Variants in NEO1 observed in about 807,000 individuals in gnomAD.
NEO1 encodes neogenin.
NEO1 carries 63 observed loss-of-function variants against 159.7 expected under a neutral mutation model. The ratio of observed to expected loss-of-function variants is 0.39; its 90% CI spans 0.32 to 0.49. NEO1 has a LOEUF of 0.49. Ranked by LOEUF, NEO1 falls within the 20% of genes least tolerant of loss-of-function variation. The probability of loss-of-function intolerance (pLI) is 0.85; values close to 1 mark genes in which losing one functional copy is unlikely to be tolerated. For synonymous variants in NEO1, 633 were observed against 662.0 expected (o/e 0.96, Z 0.67); for missense variants, 1,615 against 1,831.0 (o/e 0.88, Z 2.15).
At position 73,101,789 on chromosome 15, in the gene NEO1, G is replaced by A. The variant is rs545896258; in HGVS notation, c.131-14751G>A. The stretch of plus-strand genomic sequence containing the variant: ...GGCCAGAAGCCTGCATCATCTTACC[G>A]TGTAATTGCCTGTATCTATTTCAGT... On this transcript the variant is annotated intron_variant, in intron 1 of 28. Coordinates refer to ENST00000261908, the MANE Select transcript of NEO1 (RefSeq NM_002499.4). Among the ~76,000 whole-genome samples the A allele has an allele frequency of 1.1e-4, 17 of 152,118 alleles. No homozygotes were observed. In the South Asian group the frequency reaches 3.3e-3, roughly 30 times the overall value.
chr15:73,193,025 A>G (rs529784441), intron 7 of NEO1, among the ~76,000 whole-genome samples: 1 of 152,200 alleles, frequency 6.6e-6, no homozygotes, highest in South Asian at 2.1e-4. Flanking sequence ...TTCTTGAAAC[A>G]AAATGCTATA....
intron 26 of NEO1, among the ~76,000 whole-genome samples, chr15:73,297,534 T>C (rs764845647): frequency 5.9e-5 from 9 of 152,234 alleles, no homozygotes; most frequent in East Asian, 1.9e-4. Flanking sequence ...CTCAGAGATA[T>C]TCAGTGACTT....
chr15:73,135,341 A>C (rs1470530503), intron 4 of NEO1, among the ~76,000 whole-genome samples: 6 of 152,190 alleles, frequency 3.9e-5, no homozygotes, highest in Admixed American at 3.9e-4. Flanking sequence ...CTCTCTGGCA[A>C]CCATTCTCTC....
intron 7 of NEO1, among the ~76,000 whole-genome samples, chr15:73,216,691 G>A (rs549152799): frequency 6.6e-6 from 1 of 152,254 alleles, no homozygotes; most frequent in Admixed American, 6.5e-5. Context: ...CAGTGATGGT[G>A]AGCATTTTTT....
At chr15:73,269,958 T>C (rs2041097400) in intron 16 of NEO1, 52 bp from the exon 17 acceptor site, 2 of 1,410,178 alleles carry the variant, frequency 1.4e-6, no homozygotes, top group Non-Finnish European at 2.0e-6. Flanking sequence ...TTTTATTTTA[T>C]TTTTGTTTAC....
At chr15:73,101,934 C>T (rs563909583) in intron 1 of NEO1, among the ~76,000 whole-genome samples, 2 of 152,286 alleles carry the variant, frequency 1.3e-5, no homozygotes, top group South Asian at 4.1e-4. Flanking sequence ...TCTCCTCTAC[C>T]TTTTACAGCC....
chr15:73,189,532 T>C (rs1421290396), intron 7 of NEO1, among the ~76,000 whole-genome samples: 1 of 133,768 alleles, frequency 7.5e-6, no homozygotes, highest in Admixed American at 8.3e-5. Context: ...GTGCTTATCT[T>C]CAAAACCTTC....
At chr15:73,077,709 A>AC (rs925037111) in intron 1 of NEO1, among the ~76,000 whole-genome samples, 3 of 152,246 alleles carry the variant, frequency 2.0e-5, no homozygotes, top group African/African-American at 7.2e-5. Flanking sequence ...GTGCTAGGTA[A>AC]CGGGAGAAAT....
intron 5 of NEO1, among the ~76,000 whole-genome samples, chr15:73,146,205 G>C (rs983330271): frequency 9.2e-5 from 14 of 152,054 alleles, no homozygotes; most frequent in Admixed American, 3.3e-4. Context: ...TTTGTATCCA[G>C]TTTCTACCCT....
intron 7 of NEO1, among the ~76,000 whole-genome samples, chr15:73,219,319 T>C: frequency 6.7e-6 from 1 of 148,236 alleles, no homozygotes; most frequent in Non-Finnish European, 1.5e-5. Context: ...CTTTTACATT[T>C]GCTGAGGAGA....
intron 13 of NEO1, among the ~76,000 whole-genome samples, chr15:73,257,958 GT>G (rs970746588): frequency 2.8e-4 from 43 of 152,262 alleles, no homozygotes; most frequent in African/African-American, 1.0e-3. Context: ...TCCTTGCTTT[GT>G]GGGGCACACA....
rs566594701 is a variant in NEO1 at position 73,153,021 on chromosome 15, C to G, written c.1015+16994C>G. 2.6e-5 allele frequency among the ~76,000 whole-genome samples: 4 copies of G among 152,228 alleles called. No homozygotes were observed. In the South Asian group the frequency reaches 8.3e-4, roughly 32 times the overall value. ...GTTTCTGGAGACCTGAGAAAGCCAG[C>G]AGTATAGTTTGAAGGCCTGAGAGCT... On this transcript the variant is annotated intron_variant, in intron 5 of 28. Transcript: ENST00000261908.
At chr15:73,208,227 G>A (rs2037344982) in intron 7 of NEO1, among the ~76,000 whole-genome samples, 1 of 152,154 alleles carries the variant, frequency 6.6e-6, no homozygotes, top group Non-Finnish European at 1.5e-5. Context: ...TTGATTATAA[G>A]CTATCTTTCT....
intron 11 of NEO1, among the ~76,000 whole-genome samples, chr15:73,250,569 A>G (rs796819745): frequency 6.6e-5 from 10 of 152,322 alleles, no homozygotes; most frequent in African/African-American, 2.4e-4. Context: ...TACTTCTGTT[A>G]TATCAGTACC....
chr15:73,097,999 T>A lies in NEO1; in HGVS notation c.131-18541T>A, dbSNP rs141866105. 7.0e-3 allele frequency among the ~76,000 whole-genome samples: 1,063 copies of A among 152,122 alleles called. 14 individuals carry two copies. The highest frequency in any genetic ancestry group is 0.024 in the African/African-American group (1,013 of 41,488). On this transcript the variant is annotated intron_variant, in intron 1 of 28. Transcript: ENST00000261908. ...AAGATTATACTTTAATGTTACTGAT[T>A]TTTACATCTATAGTGTTTTTCTTCT...
At chr15:73,267,876 A>G (rs9672586) in intron 16 of NEO1, among the ~76,000 whole-genome samples, 2 of 152,304 alleles carry the variant, frequency 1.3e-5, no homozygotes, top group Non-Finnish European at 2.9e-5. Context: ...TTATTTTCGG[A>G]AATGTTCTTT....
At chr15:73,243,214 A>G (rs529663212) in intron 8 of NEO1, among the ~76,000 whole-genome samples, 1 of 39,858 alleles carries the variant, frequency 2.5e-5, no homozygotes, top group Non-Finnish European at 1.2e-4. Context: ...TAATTAAAAT[A>G]AAGTAACTTA....
chr15:73,258,986 T>C (rs1240567941), intron 14 of NEO1, 110 bp downstream of exon 14: 4 of 838,426 alleles, frequency 4.8e-6, no homozygotes, highest in Non-Finnish European at 7.9e-6. Context: ...GTCTGTGAAC[T>C]TTAGTGCATC....
At chr15:73,248,326 C>G (rs1210321947) in intron 9 of NEO1, among the ~76,000 whole-genome samples, 4 of 152,170 alleles carry the variant, frequency 2.6e-5, no homozygotes, top group Non-Finnish European at 5.9e-5. Context: ...TCACCTAACA[C>G]CTACTAGAGA....
Sources: allele counts gnomAD v4.1 joint callset (sites outside exome capture counted in the v4.1 genomes callset), GRCh38; gene constraint gnomAD v4.1.1; transcripts MANE v1.5; gene names NCBI Gene and HGNC (gene_info 2026-07-23, HGNC 2026-07-21).